The following TMCO6 variants were observed in gnomAD, a reference collection of about 807,000 sequenced individuals.
TMCO6 encodes the protein transmembrane and coiled-coil domain-containing protein 6.
TMCO6 carries 47 observed loss-of-function variants against 61.8 expected under a neutral mutation model. The observed-to-expected ratio is 0.76, with a 90% CI of 0.60 to 0.97. The LOEUF is 0.97. Among genes scored for constraint, TMCO6 ranks in the 50% least tolerant of loss-of-function variants. The probability of loss-of-function intolerance (pLI) is 0.00; values close to 1 mark genes in which losing one functional copy is unlikely to be tolerated. For synonymous variants in TMCO6, 261 were observed against 254.2 expected (o/e 1.03, Z -0.25); for missense variants, 557 against 601.6 (o/e 0.93, Z 0.78).
At chr5:140,644,280 T>A (rs371124853) in intron 10 of TMCO6, 86 bp downstream of exon 10, 24 of 1,430,528 alleles carry the variant, frequency 1.7e-5, no homozygotes, top group African/African-American at 1.4e-4. Context: ...TACCCTTAGT[T>A]GAGAGCCAGC....
the TMCO6 span, among the ~76,000 whole-genome samples, chr5:140,629,933 CAAA>C: frequency 1.0e-4 from 11 of 107,420 alleles, no homozygotes; most frequent in East Asian, 3.3e-4. Flanking sequence ...AACTCTGCCT[CAAA>C]AAAAAAAAAA....
chr5:140,625,043 G>A, the TMCO6 span, among the ~76,000 whole-genome samples: 1 of 150,868 alleles, frequency 6.6e-6, no homozygotes, highest in African/African-American at 2.4e-5. Flanking sequence ...TAGTAGAAAC[G>A]GGGTTTCACC....
downstream of TMCO6, chr5:140,647,454 C>T: frequency 1.2e-6 from 2 of 1,607,652 alleles, no homozygotes; most frequent in Non-Finnish European, 8.5e-7. Context: ...CGTCCCGAAG[C>T]CCGCCCGCCT....
chr5:140,603,277 T>A, the TMCO6 span, among the ~76,000 whole-genome samples: 1 of 152,020 alleles, frequency 6.6e-6, no homozygotes, highest in Non-Finnish European at 1.5e-5. Context: ...TGACTTTCAG[T>A]GTTTGGCTTA....
At chr5:140,644,058 G>T (rs1442359418) in intron 9 of TMCO6, 42 bp from the exon 10 acceptor site, 1 of 1,612,784 alleles carries the variant, frequency 6.2e-7, no homozygotes, top group Non-Finnish European at 8.5e-7. Flanking sequence ...TGACAGGGGT[G>T]GTGGGGGAAA....
At chr5:140,616,451 A>C in the TMCO6 span, among the ~76,000 whole-genome samples, 1 of 152,072 alleles carries the variant, frequency 6.6e-6, no homozygotes, top group Non-Finnish European at 1.5e-5. Flanking sequence ...AGCCCTAGCT[A>C]CCTAGGAGGC....
chr5:140,623,944 C>A, the TMCO6 span, among the ~76,000 whole-genome samples: 1 of 152,160 alleles, frequency 6.6e-6, no homozygotes, highest in Admixed American at 6.6e-5. Context: ...TCAAAAAATG[C>A]GCATAATTTG....
At chr5:140,613,541 T>C in the TMCO6 span, among the ~76,000 whole-genome samples, 2 of 151,976 alleles carry the variant, frequency 1.3e-5, no homozygotes, top group African/African-American at 4.8e-5. Context: ...AGACTACAAA[T>C]TGACTGTTTC....
rs1391982142 is a variant in TMCO6, at chr5:140,644,619, G to C, written c.1247G>C (p.Cys416Ser). 6.2e-7 allele frequency: 1 copy of C among 1,614,114 alleles called. No homozygotes were observed. The highest frequency in any genetic ancestry group is 1.3e-5 in the African/African-American group (1 of 74,928). ...CNVAEKGPAY[C>S]QRLWPGPLLP... is the part of the protein sequence containing the mutation. ...GTTGCAGAAAAGGGTCCTGCTTACT[G>C]CCAGCGGCTGTGGCCAGGGCCCCTG... The change falls in exon 11 of 12, where the codon TGC (cysteine) becomes TCC (serine). Residue 416 changes from cysteine (C) to serine (S), a missense_variant. Physicochemically the swap from Cys to Ser is moderately radical, Grantham distance 112. Transcript: ENST00000394671.
chr5:140,634,482 C>CTT (rs1221427030), upstream of TMCO6, among the ~76,000 whole-genome samples: 1,140 of 110,828 alleles, frequency 0.01, 29 homozygotes, highest in Non-Finnish European at 0.014. Context: ...ATATGAAAGT[C>CTT]TTTTTTTTTT....
Position 140,644,180 on chromosome 5 carries a change from G to A in TMCO6, c.1186G>A (p.Val396Met), listed in dbSNP as rs370199625. 1.9e-5 allele frequency: 30 copies of A among 1,613,994 alleles called. No individual in the cohort carries two copies. Among genetic ancestry groups the A allele is most frequent in the Admixed American group, 1.3e-4 (8 of 59,998 alleles). Residue 396 changes from valine (V) to methionine (M), a missense_variant, in exon 10 of 12, where the codon GTG becomes ATG. Coordinates refer to ENST00000394671, the MANE Select transcript of TMCO6 (RefSeq NM_018502.5). ...PLLQLLPVSN[V>M]VSVMVLTVLC... ...CTTACAGCTGTTGCCAGTATCTAACGTGGTGAGCGTAATGGTATGTATTGG... is the reference window on the plus strand; with the variant it reads ...CTTACAGCTGTTGCCAGTATCTAACATGGTGAGCGTAATGGTATGTATTGG...
intron 2 of TMCO6, among the ~76,000 whole-genome samples, chr5:140,640,313 C>T (rs1756936441): frequency 6.6e-6 from 1 of 152,146 alleles, no homozygotes; most frequent in African/African-American, 2.4e-5. Flanking sequence ...GTTCCTGCAA[C>T]GATATATCGG....
rs558148339 is a variant in TMCO6 at position 140,639,848 on chromosome 5, C to A, written c.195C>A (p.Thr65=). The change falls in exon 2 of 12, where the codon ACC becomes ACA. Residue 65 remains threonine (T), a synonymous_variant. Transcript: ENST00000394671. ...GTGTGGCTGCGATCCTCGGGGAAAC[C>A]GAGGTGAGGGGGCAAGGTAGGGTGC... ...EGCVAAILGE[T]EVQQFLRQAQ... The A allele has an allele frequency of 6.2e-6, 10 of 1,603,072 alleles. No homozygotes were observed. In the South Asian group the frequency reaches 7.9e-5, roughly 13 times the overall value.
chr5:140,630,147 C>T, the TMCO6 span, among the ~76,000 whole-genome samples: 3 of 151,632 alleles, frequency 2.0e-5, no homozygotes, highest in South Asian at 2.1e-4. Context: ...ACACATGCCA[C>T]CACACCCGGC....
chr5:140,624,860 T>C, the TMCO6 span, among the ~76,000 whole-genome samples: 182 of 147,426 alleles, frequency 1.2e-3, no homozygotes, highest in African/African-American at 4.0e-3. Context: ...TTCTTTCTTT[T>C]TTTTTTTTTT....
At chr5:140,620,521 T>C in the TMCO6 span, among the ~76,000 whole-genome samples, 2 of 152,158 alleles carry the variant, frequency 1.3e-5, no homozygotes, top group Non-Finnish European at 2.9e-5. Context: ...CATAAAACTA[T>C]GAACTTTGAA....
intron 4 of TMCO6, 120 bp downstream of exon 4, chr5:140,642,173 G>A (rs1261261289): frequency 1.4e-6 from 2 of 1,435,846 alleles, no homozygotes; most frequent in East Asian, 2.3e-5. Flanking sequence ...CTACAGCCAT[G>A]GCTACACCCA....
chr5:140,597,807 A>C, the TMCO6 span, among the ~76,000 whole-genome samples: 1 of 152,196 alleles, frequency 6.6e-6, no homozygotes, highest in African/African-American at 2.4e-5. Flanking sequence ...CTGTCAACTC[A>C]AATTTTGCCA....
chr5:140,598,370 C>T, the TMCO6 span, among the ~76,000 whole-genome samples: 1 of 151,772 alleles, frequency 6.6e-6, no homozygotes, highest in Non-Finnish European at 1.5e-5. Flanking sequence ...CACCCTCACT[C>T]ACCTCATTTT....
Sources: allele counts gnomAD v4.1 joint callset (sites outside exome capture counted in the v4.1 genomes callset), GRCh38; gene constraint gnomAD v4.1.1; transcripts MANE v1.5; gene names NCBI Gene and HGNC (gene_info 2026-07-23, HGNC 2026-07-21).